The following ELOVL6 variants were observed in gnomAD, a reference collection of about 807,000 sequenced individuals.
ELOVL6 encodes ELOVL fatty acid elongase 6, also known as very long chain fatty acid elongase 6.
In ELOVL6, 8 loss-of-function variants were observed where a neutral mutation model predicts 31.7. The observed-to-expected ratio is 0.25, with a 90% CI of 0.15 to 0.45. The LOEUF (loss-of-function observed/expected upper bound fraction) is 0.45, where lower values mean the gene tolerates loss of function less well. Among genes scored for constraint, ELOVL6 ranks in the 20% least tolerant of loss-of-function variants. The pLI, the probability that ELOVL6 is intolerant of heterozygous loss-of-function variation, is 1.00. For synonymous variants in ELOVL6, 101 were observed against 117.7 expected, an observed-to-expected ratio of 0.86 and a Z score of 0.92; for missense variants, 126 against 326.4, an observed-to-expected ratio of 0.39 and a Z score of 4.73.
intron 2 of ELOVL6, among the ~76,000 whole-genome samples, chr4:110,096,804 T>C (rs575295729): frequency 6.6e-6 from 1 of 152,190 alleles, no homozygotes; most frequent in African/African-American, 2.4e-5. Flanking sequence ...TGTTACTGCA[T>C]GTATAGGTCA....
At chr4:110,110,539 C>T (rs1353014309) in intron 1 of ELOVL6, among the ~76,000 whole-genome samples, 1 of 151,574 alleles carries the variant, frequency 6.6e-6, no homozygotes, top group African/African-American at 2.4e-5. Context: ...TCCTGGGTAG[C>T]TGGCACTACA....
chr4:110,105,657 A>T (rs112390347), intron 1 of ELOVL6, 29 bp from the exon 2 acceptor site: 1 of 1,600,232 alleles, frequency 6.2e-7, no homozygotes, highest in Non-Finnish European at 8.5e-7. Context: ...AATCTTTAAG[A>T]TATTTTTAGT....
chr4:110,129,217 A>AT, intron 1 of ELOVL6, among the ~76,000 whole-genome samples: 1 of 152,280 alleles, frequency 6.6e-6, no homozygotes, highest in African/African-American at 2.4e-5. Flanking sequence ...ATTGTTTTAT[A>AT]TATTTCTGTT....
chr4:110,081,659 A>T (rs533040451), intron 2 of ELOVL6, among the ~76,000 whole-genome samples: 3 of 151,242 alleles, frequency 2.0e-5, no homozygotes, highest in East Asian at 1.9e-4. Flanking sequence ...AACCTAGGCA[A>T]TACCATTCAG....
At chr4:110,111,361 T>TTTC in intron 1 of ELOVL6, among the ~76,000 whole-genome samples, 1 of 151,838 alleles carries the variant, frequency 6.6e-6, no homozygotes, top group South Asian at 2.1e-4. Flanking sequence ...AGAATTCCTT[T>TTTC]TTTTTTTTCA....
chr4:110,052,457 T>C (rs1754860197), intron 3 of ELOVL6, among the ~76,000 whole-genome samples: 1 of 152,226 alleles, frequency 6.6e-6, no homozygotes, highest in African/African-American at 2.4e-5. Flanking sequence ...TAGGAATATT[T>C]TATACCAGTG....
intron 1 of ELOVL6, among the ~76,000 whole-genome samples, chr4:110,185,702 A>T (rs1329351163): frequency 6.6e-6 from 1 of 152,196 alleles, no homozygotes; most frequent in Non-Finnish European, 1.5e-5. Context: ...AGCTAGAGTC[A>T]CAATTAGGAT....
chr4:110,090,867 T>C lies in ELOVL6; in HGVS notation c.221+14630A>G, dbSNP rs890832710. Among the ~76,000 whole-genome samples, 62 of 152,140 alleles carry C rather than the reference T, an allele frequency of 4.1e-4. 1 individual carries two copies. The highest frequency in any genetic ancestry group is 1.0e-4 in the Non-Finnish European group (7 of 68,034). On this transcript the variant is annotated intron_variant, in intron 2 of 3. Coordinates refer to ENST00000302274, the MANE Select transcript of ELOVL6 (RefSeq NM_024090.3). ...ATCCACCCGCCTCGGCCTCCCAAAG[T>C]GCTAGGATTACAGGCGTGAGCCACC...
At chr4:110,165,001 A>G (rs920181772) in intron 1 of ELOVL6, among the ~76,000 whole-genome samples, 2 of 151,932 alleles carry the variant, frequency 1.3e-5, no homozygotes, top group African/African-American at 2.4e-5. Flanking sequence ...ACCACACCCA[A>G]CTAAGAAAGG....
chr4:110,198,549 C>G lies in ELOVL6; in HGVS notation c.-214G>C. The G allele has an allele frequency of 3.9e-6, 2 of 511,484 alleles. No homozygotes were observed. The highest frequency in any genetic ancestry group is 2.9e-5 in the South Asian group (1 of 34,466). The allele number at this position is 511,484 out of a possible 1,614,324, so 31.7% of individuals were successfully genotyped here. ...GCGCCTCCGCTCCCAGCTCCTCTCTCTGGGGCTCTCCTCCTCCCGGCGTCC... is the reference window on the plus strand; with the variant it reads ...GCGCCTCCGCTCCCAGCTCCTCTCTGTGGGGCTCTCCTCCTCCCGGCGTCC... On this transcript the variant is annotated 5_prime_UTR_variant, in exon 1 of 4. Transcript: ENST00000302274.
At chr4:110,083,146 C>G (rs757628795) in intron 2 of ELOVL6, among the ~76,000 whole-genome samples, 1 of 151,592 alleles carries the variant, frequency 6.6e-6, no homozygotes, top group African/African-American at 2.4e-5. Context: ...AAGAAAAAGA[C>G]AAATCAATTT....
chr4:110,163,301 C>T (rs1758679997), intron 1 of ELOVL6, among the ~76,000 whole-genome samples: 1 of 152,156 alleles, frequency 6.6e-6, no homozygotes, highest in South Asian at 2.1e-4. Context: ...CTTTCCCTGA[C>T]CCCCTAGCTA....
chr4:110,061,911 T>C (rs746799259), intron 2 of ELOVL6, among the ~76,000 whole-genome samples: 10 of 152,208 alleles, frequency 6.6e-5, no homozygotes, highest in Non-Finnish European at 1.3e-4. Context: ...AAAGAATGTA[T>C]GCTTGAAATG....
At chr4:110,183,112 C>G (rs755824138) in intron 1 of ELOVL6, among the ~76,000 whole-genome samples, 5 of 152,118 alleles carry the variant, frequency 3.3e-5, no homozygotes, top group Non-Finnish European at 7.4e-5. Context: ...TTCTAGATGA[C>G]TTTATTTAAA....
At chr4:110,139,565 T>G (rs1196774885) in intron 1 of ELOVL6, among the ~76,000 whole-genome samples, 1 of 152,246 alleles carries the variant, frequency 6.6e-6, no homozygotes, top group Admixed American at 6.5e-5. Context: ...CTCCATTTTT[T>G]GTCTTTTTTC....
chr4:110,164,741 AAAAAAAAAAAAAAAG>A (rs959260834), intron 1 of ELOVL6, among the ~76,000 whole-genome samples: 4 of 125,686 alleles, frequency 3.2e-5, no homozygotes, highest in African/African-American at 5.4e-5. Context: ...CCTGTCTCAA[AAAAAAAAAAAAAAAG>A]AAAAAAAAAA....
At chr4:110,077,651 G>C (rs1214195188) in intron 2 of ELOVL6, among the ~76,000 whole-genome samples, 1 of 152,136 alleles carries the variant, frequency 6.6e-6, no homozygotes, top group Non-Finnish European at 1.5e-5. Context: ...AAACAGAGCA[G>C]AAAAACTGGA....
chr4:110,167,601 T>C (rs541066313), intron 1 of ELOVL6, among the ~76,000 whole-genome samples: 4 of 152,274 alleles, frequency 2.6e-5, no homozygotes, highest in Admixed American at 2.6e-4. Flanking sequence ...GGTGCAATGA[T>C]CCTCAGCTTC....
At chr4:110,155,260 G>T (rs1446730024) in intron 1 of ELOVL6, among the ~76,000 whole-genome samples, 1 of 151,734 alleles carries the variant, frequency 6.6e-6, no homozygotes, top group East Asian at 1.9e-4. Context: ...TGTTTTTTAA[G>T]AATCAAATCA....
Sources: gnomAD v4.1 joint callset for allele counts (sites outside exome capture counted in the v4.1 genomes callset) on GRCh38, gnomAD v4.1.1 for gene constraint, MANE v1.5 for transcripts, NCBI Gene and HGNC (gene_info 2026-07-23, HGNC 2026-07-21) for gene names.